SLC44A3: variants seen among roughly 807,000 people sequenced by gnomAD.
SLC44A3 encodes the protein choline transporter-like protein 3.
Under a neutral mutation model 75.4 loss-of-function variants are expected in SLC44A3, and 74 were observed. The observed-to-expected ratio is 0.98, with a 90% CI of 0.81 to 1.19. The LOEUF (loss-of-function observed/expected upper bound fraction) is 1.19, where lower values mean the gene tolerates loss of function less well. Ranked by LOEUF, SLC44A3 falls within the 50% of genes most tolerant of loss-of-function variation. SLC44A3 has a pLI of 0.00. For missense variants in SLC44A3, 700 were observed against 778.6 expected (o/e 0.90, Z 1.20); for synonymous variants, 310 against 296.9 (o/e 1.04, Z -0.45).
At chr1:94,843,332 C>T (rs973178046) in intron 8 of SLC44A3, 4 of 152,200 alleles carry the variant, frequency 2.6e-5, no homozygotes, top group African/African-American at 9.7e-5. Flanking sequence ...GCTCACCTCC[C>T]GTTCATTTGT....
chr1:94,878,158 CCA>C (rs575896000), intron 12 of SLC44A3, among the ~76,000 whole-genome samples: 1,977 of 152,196 alleles, frequency 0.013, 27 homozygotes, highest in African/African-American at 0.044. Flanking sequence ...GGCGTGAACC[CCA>C]GGGGGCGGAG....
At position 94,863,361 on chromosome 1, in the gene SLC44A3, C is replaced by CT. The variant is rs1666804597; in HGVS notation, c.1239-1381dup. 2.6e-5 allele frequency among the ~76,000 whole-genome samples: 4 copies of CT among 152,274 alleles called. No individual in the cohort carries two copies. In the South Asian group the frequency reaches 8.3e-4, roughly 32 times the overall value. On this transcript the variant is annotated intron_variant, in intron 10 of 14. Coordinates refer to ENST00000271227, the MANE Select transcript of SLC44A3 (RefSeq NM_001114106.3). ...GAAAGCTGATGCCTAACCCCAAACTCTAATACCTGGAGGGCTAACCCCAAG... is the reference window on the plus strand; with the variant it reads ...GAAAGCTGATGCCTAACCCCAAACTCTTAATACCTGGAGGGCTAACCCCAAG...
intron 6 of SLC44A3, 37 bp from the exon 7 acceptor site, chr1:94,839,911 T>C (rs371814581): frequency 7.5e-6 from 11 of 1,468,154 alleles, no homozygotes; most frequent in African/African-American, 2.8e-5. Context: ...TATCCTTTGT[T>C]GCTATTGAGG....
chr1:94,892,248 TAA>T (rs765946932), intron 13 of SLC44A3, 31 bp from the exon 14 acceptor site: 13 of 1,586,272 alleles, frequency 8.2e-6, no homozygotes, highest in East Asian at 2.2e-5. Context: ...AACTGATTCA[TAA>T]AGATTTTCAA....
At chr1:94,867,608 G>A (rs185554937) in intron 12 of SLC44A3, among the ~76,000 whole-genome samples, 191 bp downstream of exon 12, 146 of 152,360 alleles carry the variant, frequency 9.6e-4, no homozygotes, top group Non-Finnish European at 1.4e-3. Flanking sequence ...TAGGTAAAAT[G>A]TCAATGGGAT....
chr1:94,894,020 G>A (rs1417001851), intron 14 of SLC44A3, among the ~76,000 whole-genome samples: 5 of 151,916 alleles, frequency 3.3e-5, no homozygotes, highest in East Asian at 1.9e-4. Flanking sequence ...GCTTGAACCC[G>A]GGAGGTGGAG....
chr1:94,876,678 C>A (rs185533598), intron 12 of SLC44A3, among the ~76,000 whole-genome samples: 10 of 152,342 alleles, frequency 6.6e-5, no homozygotes, highest in Non-Finnish European at 1.5e-4. Flanking sequence ...CAGGCCACCA[C>A]CACCTGAGTC....
At chr1:94,840,761 A>G (rs1051991957) in intron 7 of SLC44A3, among the ~76,000 whole-genome samples, 1 of 152,250 alleles carries the variant, frequency 6.6e-6, no homozygotes, top group African/African-American at 2.4e-5. Context: ...CACAGTTGTC[A>G]TGTAAAGGTT....
In SLC44A3 at chr1:94,841,899, G is replaced by T. The variant is rs77331839; in HGVS notation, c.761-101G>T. On this transcript the variant is annotated intron_variant, in intron 7 of 14. Transcript: ENST00000271227. Reference sequence around the variant, plus strand: ...ACCCACTGCCAGAGCAGTGCCACGCGGCCGGTGGGCAGTGGCTGGACTTCC... The same window carrying T: ...ACCCACTGCCAGAGCAGTGCCACGCTGCCGGTGGGCAGTGGCTGGACTTCC... 7 of 1,445,298 alleles carry T rather than the reference G, an allele frequency of 4.8e-6. No individual in the cohort carries two copies. In the African/African-American group the frequency reaches 7.3e-5, roughly 15 times the overall value. The allele number at this position is 1,445,298 out of a possible 1,614,324, so 89.5% of individuals were successfully genotyped here.
intron 8 of SLC44A3, chr1:94,843,520 G>A (rs551083429): frequency 1.4e-5 from 2 of 143,722 alleles, no homozygotes; most frequent in Non-Finnish European, 3.1e-5. Flanking sequence ...AGATCCTGGA[G>A]CAGCTTCTGC....
intron 9 of SLC44A3, 117 bp from the exon 10 acceptor site, chr1:94,857,218 T>A: frequency 9.6e-7 from 1 of 1,042,826 alleles, no homozygotes; most frequent in Non-Finnish European, 1.4e-6. Flanking sequence ...GGTACTTGAT[T>A]TTGGCATTTG....
chr1:94,822,698 T>C (rs1457337585), intron 2 of SLC44A3, among the ~76,000 whole-genome samples: 2 of 152,204 alleles, frequency 1.3e-5, no homozygotes, highest in Admixed American at 6.5e-5. Flanking sequence ...GTCTGGACTA[T>C]CTCTGCCTCT....
intron 10 of SLC44A3, among the ~76,000 whole-genome samples, chr1:94,858,883 G>A (rs1666232722): frequency 6.6e-6 from 1 of 152,104 alleles, no homozygotes; most frequent in Non-Finnish European, 1.5e-5. Context: ...GCAGAGCTGG[G>A]GTTTCACCAT....
At chr1:94,821,115 C>A (rs1158653322) in intron 2 of SLC44A3, 59 bp downstream of exon 2, 8 of 1,345,066 alleles carry the variant, frequency 5.9e-6, no homozygotes, top group Middle Eastern at 1.8e-4. Context: ...CTGGAAATAA[C>A]TCTGTCCCAA....
In SLC44A3 at chr1:94,876,945, T is replaced by TG. The variant is rs147415113; in HGVS notation, c.1482+9531dup. On this transcript the variant is annotated intron_variant, in intron 12 of 14. Coordinates refer to ENST00000271227, the MANE Select transcript of SLC44A3 (RefSeq NM_001114106.3). ...TCTTTATGGCCACTCAGGCCCTGCT[T>TG]GGGAAGTAGGAATCTTTTACCTATG... is the stretch of plus-strand genomic sequence containing the variant. 6.5e-4 allele frequency among the ~76,000 whole-genome samples: 99 copies of TG among 152,198 alleles called. 1 individual carries two copies. Among genetic ancestry groups the TG allele is most frequent in the Admixed American group, 1.5e-3 (23 of 15,282 alleles).
intron 12 of SLC44A3, among the ~76,000 whole-genome samples, chr1:94,882,120 G>A (rs912529910): frequency 6.6e-6 from 1 of 152,168 alleles, no homozygotes; most frequent in African/African-American, 2.4e-5. Flanking sequence ...GTAAACATTT[G>A]GCATACACAG....
rs1389180787 is a variant in SLC44A3, at chr1:94,891,210, C to T, written c.1563C>T (p.Asn521=). ...ATGCATTCAAAATCTTGTCCAAGAA[C>T]TCAAGTCACTTTACATCTATTAACT... ...AKDAFKILSK[N]SSHFTSINCF... is the part of the protein sequence containing the mutation. Residue 521 remains asparagine, a synonymous_variant, in exon 13 of 15, where the codon AAC becomes AAT. Transcript: ENST00000271227. 6.2e-7 allele frequency: 1 copy of T among 1,613,526 alleles called. No individual in the cohort carries two copies. The highest frequency in any genetic ancestry group is 8.5e-7 in the Non-Finnish European group (1 of 1,179,786).
chr1:94,879,226 A>AC lies in SLC44A3; in HGVS notation c.1482+11812dup, dbSNP rs397795711. 1.7e-4 allele frequency among the ~76,000 whole-genome samples: 25 copies of AC among 148,242 alleles called. No homozygotes were observed. The Middle Eastern group carries it at 0.01, about 61-fold the overall frequency. On this transcript the variant is annotated intron_variant, in intron 12 of 14. Coordinates refer to ENST00000271227, the MANE Select transcript of SLC44A3 (RefSeq NM_001114106.3). ...TTAACAACAACTACAAAAAAAAAAA[A>AC]CCCGATTTTAAAATGGGCAAAGGAC...
intron 12 of SLC44A3, among the ~76,000 whole-genome samples, chr1:94,886,659 T>C (rs1669625532): frequency 6.6e-6 from 1 of 152,140 alleles, no homozygotes; most frequent in Non-Finnish European, 1.5e-5. Flanking sequence ...ACATGTGCAC[T>C]TGTGCTATGT....
Sources: allele counts gnomAD v4.1 joint callset (sites outside exome capture counted in the v4.1 genomes callset), GRCh38; gene constraint gnomAD v4.1.1; transcripts MANE v1.5; gene names NCBI Gene and HGNC (gene_info 2026-07-23, HGNC 2026-07-21).